Variants in ZC3H12B observed in about 807,000 individuals in gnomAD.
ZC3H12B encodes the protein zinc finger CCCH-type containing 12B.
A neutral mutation model predicts 43.9 loss-of-function variants in ZC3H12B; 7 were observed. The ratio of observed to expected loss-of-function variants is 0.16; its 90% CI spans 0.09 to 0.30. ZC3H12B has a LOEUF of 0.30. Ranked by LOEUF, ZC3H12B falls within the 10% of genes least tolerant of loss-of-function variation. The probability of loss-of-function intolerance (pLI) is 1.00; values close to 1 mark genes in which losing one functional copy is unlikely to be tolerated. For missense variants in ZC3H12B, 475 were observed against 670.2 expected (o/e 0.71, Z 3.22); for synonymous variants, 222 against 241.7 (o/e 0.92, Z 0.76).
chrX:65,049,616 C>T, the ZC3H12B span, among the ~76,000 whole-genome samples: 1 of 111,375 alleles, frequency 9.0e-6, no homozygotes, highest in Non-Finnish European at 1.9e-5. Flanking sequence ...AGGTCTCCAA[C>T]TTTGTTGCTC....
the ZC3H12B span, among the ~76,000 whole-genome samples, chrX:65,170,153 T>A: frequency 8.9e-6 from 1 of 111,941 alleles, no homozygotes; most frequent in Non-Finnish European, 1.9e-5. Context: ...ATTTGGCATG[T>A]TTTTGCCGTG....
At chrX:65,287,587 C>G in the ZC3H12B span, among the ~76,000 whole-genome samples, 1 of 110,137 alleles carries the variant, frequency 9.1e-6, no homozygotes, top group African/African-American at 3.3e-5. Context: ...ATAGTGAGAC[C>G]CCATCTTTAC....
chrX:65,207,271 C>G, the ZC3H12B span, among the ~76,000 whole-genome samples: 6 of 108,222 alleles, frequency 5.5e-5, no homozygotes, highest in Non-Finnish European at 7.7e-5. Flanking sequence ...CACACACACA[C>G]ACATACACAC....
At chrX:65,111,345 A>T in the ZC3H12B span, among the ~76,000 whole-genome samples, 1 of 111,188 alleles carries the variant, frequency 9.0e-6, no homozygotes, top group Non-Finnish European at 1.9e-5. Flanking sequence ...ACAATCAAGT[A>T]TAATGCTAGC....
chrX:65,268,078 G>A, the ZC3H12B span, among the ~76,000 whole-genome samples: 1 of 110,697 alleles, frequency 9.0e-6, no homozygotes, highest in Non-Finnish European at 1.9e-5. Flanking sequence ...GATGAAAATG[G>A]AGACATTACA....
At chrX:65,329,473 C>T in the ZC3H12B span, among the ~76,000 whole-genome samples, 124 of 93,132 alleles carry the variant, frequency 1.3e-3, 1 homozygote, top group South Asian at 1.9e-3. Context: ...GAGTAGGTTG[C>T]GAAAATTTTC....
the ZC3H12B span, among the ~76,000 whole-genome samples, chrX:65,171,582 C>T: frequency 2.8e-4 from 31 of 111,486 alleles, no homozygotes; most frequent in Non-Finnish European, 4.9e-4. Flanking sequence ...CAGGCAGGGA[C>T]GTTTAAGTCT....
At chrX:65,092,252 A>G in the ZC3H12B span, among the ~76,000 whole-genome samples, 1 of 111,657 alleles carries the variant, frequency 9.0e-6, no homozygotes, top group African/African-American at 3.3e-5. Flanking sequence ...TTTATAAATT[A>G]CCCAGTGTCA....
chrX:65,145,808 G>T, the ZC3H12B span, among the ~76,000 whole-genome samples: 33 of 111,552 alleles, frequency 3.0e-4, no homozygotes, highest in African/African-American at 1.0e-3. Context: ...CTGAAGAGAG[G>T]GTCCCAATGC....
At chrX:65,301,158 G>A in the ZC3H12B span, among the ~76,000 whole-genome samples, 1 of 110,653 alleles carries the variant, frequency 9.0e-6, no homozygotes, top group African/African-American at 3.3e-5. Context: ...CTTCAAGAAT[G>A]GCCATAATAA....
intron 1 of ZC3H12B, among the ~76,000 whole-genome samples, chrX:65,492,185 G>A (rs2068215645): frequency 9.0e-6 from 1 of 111,397 alleles, no homozygotes; most frequent in South Asian, 3.8e-4. Flanking sequence ...GTGTTTCGGA[G>A]TTAAGGTTGA....
the ZC3H12B span, among the ~76,000 whole-genome samples, chrX:65,236,916 T>C: frequency 3.6e-5 from 4 of 111,975 alleles, no homozygotes; most frequent in Non-Finnish European, 7.5e-5. Context: ...GTGTCTGTTT[T>C]TGTACCAGTA....
rs1556209273 is a variant in ZC3H12B, at chrX:65,448,955, A to AAGAAAGAAAGAAAGAAAAAGAAAG, written n.408-39690_408-39689insGAAAGAAAGAAAGAAAAAGAAAGA. On this transcript the variant is annotated intron_variant and non_coding_transcript_variant, in intron 3 of 5. Coordinates refer to the ZC3H12B transcript ENST00000617377. ...GAGAAGGAAAAGAAAGAAAGAAAGA[A>AAGAAAGAAAGAAAGAAAAAGAAAG]AAAGAAAGAAAGAAAGAAAGAAAGA... 5.9e-4 allele frequency among the ~76,000 whole-genome samples: 35 copies of AAGAAAGAAAGAAAGAAAAAGAAAG among 58,971 alleles called. No homozygotes were observed. In the South Asian group the frequency reaches 0.014, roughly 24 times the overall value. 51.2% of individuals were successfully genotyped at this position (58,971 alleles called of 115,157 possible).
chrX:65,151,181 T>G, the ZC3H12B span, among the ~76,000 whole-genome samples: 1 of 112,088 alleles, frequency 8.9e-6, no homozygotes, highest in African/African-American at 3.2e-5. Context: ...GACTTCTTTT[T>G]CAGTAGAATA....
At chrX:65,225,100 G>A in the ZC3H12B span, among the ~76,000 whole-genome samples, 2 of 111,840 alleles carry the variant, frequency 1.8e-5, no homozygotes, top group African/African-American at 3.3e-5. Flanking sequence ...CCTGACCCCC[G>A]AGCAGCCTAA....
At chrX:65,166,672 G>C in the ZC3H12B span, among the ~76,000 whole-genome samples, 1 of 111,866 alleles carries the variant, frequency 8.9e-6, no homozygotes, top group South Asian at 3.7e-4. Flanking sequence ...CAATGTAAAA[G>C]TGTTCCTGTT....
At chrX:65,268,475 C>A in the ZC3H12B span, among the ~76,000 whole-genome samples, 2 of 111,827 alleles carry the variant, frequency 1.8e-5, no homozygotes, top group Non-Finnish European at 3.8e-5. Context: ...AAACTGCAAG[C>A]CAATATATTT....
the ZC3H12B span, among the ~76,000 whole-genome samples, chrX:65,329,845 G>T: frequency 2.2e-4 from 24 of 111,250 alleles, no homozygotes; most frequent in Admixed American, 9.6e-5. Flanking sequence ...GTTTGTCAAA[G>T]ATCAGATAGT....
At chrX:65,213,686 A>C in the ZC3H12B span, among the ~76,000 whole-genome samples, 1 of 109,930 alleles carries the variant, frequency 9.1e-6, no homozygotes. Context: ...TTACTGATGA[A>C]TTTCAGCATG....
Sources: gnomAD v4.1 joint callset for allele counts (sites outside exome capture counted in the v4.1 genomes callset) on GRCh38, gnomAD v4.1.1 for gene constraint, MANE v1.5 for transcripts, NCBI Gene and HGNC (gene_info 2026-07-23, HGNC 2026-07-21) for gene names.